HEPH: variants seen among roughly 807,000 people sequenced by gnomAD.
The protein encoded by HEPH is hephaestin.
In HEPH, 69 loss-of-function variants were observed where a neutral mutation model predicts 80.8. The observed-to-expected ratio is 0.85, with a 90% CI of 0.70 to 1.04. The LOEUF (loss-of-function observed/expected upper bound fraction) is 1.04, where lower values mean the gene tolerates loss of function less well. Among genes scored for constraint, HEPH ranks in the 50% least tolerant of loss-of-function variants. The pLI is 0.00. For synonymous variants in HEPH, 431 were observed against 322.8 expected (o/e 1.34, Z -3.60); for missense variants, 1,115 against 891.3 (o/e 1.25, Z -3.20).
At chrX:66,226,805 G>A (rs184450396) in intron 15 of HEPH, among the ~76,000 whole-genome samples, 1 of 111,233 alleles carries the variant, frequency 9.0e-6, no homozygotes, top group East Asian at 2.8e-4. Context: ...TAAAAAAATT[G>A]CCAACAACAA....
intron 15 of HEPH, among the ~76,000 whole-genome samples, chrX:66,231,095 G>A (rs919336217): frequency 1.8e-5 from 2 of 109,385 alleles, no homozygotes; most frequent in East Asian, 2.9e-4. Context: ...GTAGGTATGC[G>A]GCGTCATTTC....
rs140917612 is a variant in HEPH, at chrX:66,170,893, A to C, written c.167+156A>C. On this transcript the variant is annotated intron_variant, in intron 2 of 20. Transcript: ENST00000343002. ...CTCAGTGGCAGATTTCCTGGGAAGAAGGCTAGTTGAGTCAGAAGCCAGCAT... is the reference window on the plus strand; with the variant it reads ...CTCAGTGGCAGATTTCCTGGGAAGACGGCTAGTTGAGTCAGAAGCCAGCAT... Among the ~76,000 whole-genome samples, 105 of 111,802 alleles carry C rather than the reference A, an allele frequency of 9.4e-4. 1 individual carries two copies. The highest frequency in any genetic ancestry group is 3.4e-3 in the African/African-American group (105 of 30,786).
At chrX:66,195,353 T>C in intron 9 of HEPH, 124 bp downstream of exon 9, 1 of 460,528 alleles carries the variant, frequency 2.2e-6, no homozygotes, top group Non-Finnish European at 3.2e-6. Context: ...TGGATGTTGT[T>C]GAATGAATGA....
intron 15 of HEPH, among the ~76,000 whole-genome samples, chrX:66,245,902 A>G (rs188313575): frequency 9.0e-6 from 1 of 111,272 alleles, no homozygotes; most frequent in Non-Finnish European, 1.9e-5. Context: ...TGTTTAAATA[A>G]CTCCCTCTGA....
intron 4 of HEPH, among the ~76,000 whole-genome samples, chrX:66,186,288 G>A (rs1430034309): frequency 1.3e-4 from 14 of 105,112 alleles, no homozygotes; most frequent in Admixed American, 1.1e-3. Flanking sequence ...AATGGCGGGC[G>A]CCCCTCCCCC....
chrX:66,213,042 T>C (rs867654467), intron 15 of HEPH, among the ~76,000 whole-genome samples: 1 of 110,043 alleles, frequency 9.1e-6, no homozygotes, highest in Middle Eastern at 4.8e-3. Context: ...TTATTTATTT[T>C]AATTATTATA....
intron 15 of HEPH, among the ~76,000 whole-genome samples, chrX:66,222,246 G>A (rs946360705): frequency 9.8e-5 from 11 of 112,790 alleles, no homozygotes; most frequent in South Asian, 3.6e-4. Flanking sequence ...GGGCTGACCC[G>A]CAGGGTGCCA....
chrX:66,266,004 G>T (rs977765939), intron 20 of HEPH, among the ~76,000 whole-genome samples: 1 of 112,017 alleles, frequency 8.9e-6, no homozygotes, highest in African/African-American at 3.2e-5. Flanking sequence ...GCAGGTTCTT[G>T]TCATGGTTTA....
rs2088017343 is a variant in HEPH at position 66,195,208 on chromosome X, G to A, written c.1480G>A (p.Glu494Lys). 8.4e-7 allele frequency: 1 copy of A among 1,196,119 alleles called. No individual in the cohort carries two copies. The highest frequency in any genetic ancestry group is 1.1e-6 in the Non-Finnish European group (1 of 888,014). ...TGGGGTCTTTTATGAGAAAGACTATGAAGGCACTGTGTACAATGATGGTGA... is the reference window on the plus strand; with the variant it reads ...TGGGGTCTTTTATGAGAAAGACTATAAAGGCACTGTGTACAATGATGGTGA... ...PHGVFYEKDY[E>K]GTVYNDGSSY... The change falls in exon 9 of 21, where the codon GAA becomes AAA. Residue 494 changes from glutamate to lysine, a missense_variant. Coordinates refer to ENST00000343002, the MANE Select transcript of HEPH (RefSeq NM_001367233.3).
rs1405624204 is a variant in HEPH at position 66,170,756 on chromosome X, G to A, written c.167+19G>A. The A allele has an allele frequency of 1.7e-6, 2 of 1,181,953 alleles. No individual in the cohort carries two copies. Among genetic ancestry groups the A allele is most frequent in the Non-Finnish European group, 2.3e-6 (2 of 874,148 alleles). On this transcript the variant is annotated intron_variant, in intron 2 of 20. Coordinates refer to ENST00000343002, the MANE Select transcript of HEPH (RefSeq NM_001367233.3). ...GTGACATGTAGGTTTAATTTCTTGT[G>A]GTATTTGAGGGGAAGTTATGGGAGC...
intron 3 of HEPH, among the ~76,000 whole-genome samples, chrX:66,173,092 C>A (rs2086657880): frequency 8.9e-6 from 1 of 111,977 alleles, no homozygotes; most frequent in Admixed American, 9.4e-5. Context: ...AAAGGGAAGT[C>A]AGAAGACTCT....
chrX:66,207,910 C>T (rs137956173), intron 14 of HEPH, among the ~76,000 whole-genome samples: 1,583 of 110,671 alleles, frequency 0.014, 31 homozygotes, highest in African/African-American at 0.05. Context: ...CATTGAAGTA[C>T]CTTCATCCTG....
intron 12 of HEPH, among the ~76,000 whole-genome samples, chrX:66,202,275 G>A (rs1273841200): frequency 1.8e-5 from 2 of 111,692 alleles, no homozygotes; most frequent in African/African-American, 6.5e-5. Flanking sequence ...AGAGTTCCAT[G>A]TAGTTGGAGT....
chrX:66,223,076 A>C (rs1472104396), intron 15 of HEPH, among the ~76,000 whole-genome samples: 4 of 110,341 alleles, frequency 3.6e-5, no homozygotes, highest in Non-Finnish European at 7.6e-5. Flanking sequence ...TTAGCAGCAC[A>C]AGGTAGGGTC....
Position 66,173,649 on chromosome X carries a change from G to A in HEPH, c.473G>A (p.Gly158Glu), listed in dbSNP as rs2086683081. ...PLKADDSVPP[G>E]GSHIYNWTIP... ...AAAGCTGATGACTCTGTTCCCCCGG[G>A]GGGCAGCCATATCTACAACTGGACC... is the stretch of plus-strand genomic sequence containing the variant. Residue 158 changes from glycine to glutamate, a missense_variant, in exon 4 of 21, where the codon GGG becomes GAG. Physicochemically the swap from Gly to Glu is moderately conservative, Grantham distance 98. Transcript: ENST00000343002. The A allele has an allele frequency of 8.3e-7, 1 of 1,210,997 alleles. No homozygotes were observed. Among genetic ancestry groups the A allele is most frequent in the Non-Finnish European group, 1.1e-6 (1 of 895,146 alleles).
intron 19 of HEPH, 112 bp from the exon 20 acceptor site, chrX:66,263,532 T>C (rs1037145750): frequency 3.4e-5 from 27 of 784,677 alleles, no homozygotes; most frequent in Non-Finnish European, 5.2e-5. Flanking sequence ...TTTATTTTGC[T>C]TACTTAATCA....
At chrX:66,172,319 G>A (rs936094356) in intron 2 of HEPH, 36 bp from the exon 3 acceptor site, 3 of 1,156,017 alleles carry the variant, frequency 2.6e-6, no homozygotes, top group Middle Eastern at 5.0e-4. Flanking sequence ...CTTGAAGATG[G>A]GGGGCAAAAT....
intron 19 of HEPH, 139 bp from the exon 20 acceptor site, chrX:66,263,505 A>ATAT (rs2091430708): frequency 7.2e-6 from 4 of 558,244 alleles, no homozygotes; most frequent in Non-Finnish European, 1.2e-5. Context: ...TTGGACTATA[A>ATAT]AGTAGTAAAT....
chrX:66,229,457 G>A (rs182521447), intron 15 of HEPH, among the ~76,000 whole-genome samples: 273 of 111,350 alleles, frequency 2.5e-3, no homozygotes, highest in Admixed American at 4.3e-3. Flanking sequence ...AGGGGAAAGG[G>A]TGGGAGGGAG....
Sources: gnomAD v4.1 joint callset for allele counts (sites outside exome capture counted in the v4.1 genomes callset) on GRCh38, gnomAD v4.1.1 for gene constraint, MANE v1.5 for transcripts, NCBI Gene and HGNC (gene_info 2026-07-23, HGNC 2026-07-21) for gene names.